Variants in GABRA5 observed in about 807,000 individuals in gnomAD.
The protein encoded by GABRA5 is gamma-aminobutyric acid receptor subunit alpha-5.
A neutral mutation model predicts 47.3 loss-of-function variants in GABRA5; 18 were observed. The ratio of observed to expected loss-of-function variants is 0.38; its 90% CI spans 0.26 to 0.56. The LOEUF is 0.56. Among genes scored for constraint, GABRA5 ranks in the 20% least tolerant of loss-of-function variants. The pLI is 0.71. For missense variants in GABRA5, 365 were observed against 599.3 expected (o/e 0.61, Z 4.08); for synonymous variants, 237 against 229.3 (o/e 1.03, Z -0.30).
Position 26,948,219 on chromosome 15 carries a change from G to C in GABRA5, c.1375G>C (p.Ala459Pro). The change falls in exon 11 of 11, where the codon GCC (alanine) becomes CCC (proline). Residue 459 changes from alanine to proline, a missense_variant. Ala to Pro is a conservative substitution (Grantham distance 27, BLOSUM62 -1). Coordinates refer to ENST00000335625, the MANE Select transcript of GABRA5 (RefSeq NM_000810.4). ...TAGGGAGCCGGTGATAAAAGGAGCC[G>C]CCTCTCCAAAATAACCGGCCACACT... ...LNREPVIKGA[A>P]SPK The C allele has an allele frequency of 6.2e-7, 1 of 1,611,368 alleles. No homozygotes were observed.
chr15:26,883,064 C>G lies in GABRA5; in HGVS notation c.209-102C>G. The G allele has an allele frequency of 1.1e-6, 1 of 921,004 alleles. No individual in the cohort carries two copies. Among genetic ancestry groups the G allele is most frequent in the Non-Finnish European group, 1.8e-6 (1 of 550,886 alleles). The allele number at this position is 921,004 out of a possible 1,614,324, so 57.1% of individuals were successfully genotyped here. On this transcript the variant is annotated intron_variant, in intron 4 of 10. Transcript: ENST00000335625. This position sits in a 1 kb window ranked among gnomAD's most constrained non-coding sequence, Gnocchi z 4.8. ...TTACCAAACGCACTGCAAAAGCCCC[C>G]GGTTGCAGAGGGTGACCCTGGTTAC...
rs763590639 is a variant in GABRA5, at chr15:26,947,528, G to A, written c.1090-406G>A. Among the ~76,000 whole-genome samples, 23 of 152,260 alleles carry A rather than the reference G, an allele frequency of 1.5e-4. 1 individual carries two copies. Among genetic ancestry groups the A allele is most frequent in the Middle Eastern group, 6.8e-3 (2 of 294 alleles). On this transcript the variant is annotated intron_variant, in intron 10 of 10. Transcript: ENST00000335625. Reference sequence around the variant, plus strand: ...CCATCCATGTTCCTGCAAAAGACAGGATCTCATTCTTTTTATCATTCTTTT... The same window carrying A: ...CCATCCATGTTCCTGCAAAAGACAGAATCTCATTCTTTTTATCATTCTTTT...
chr15:26,879,145 C>T (rs1393063114), intron 3 of GABRA5, among the ~76,000 whole-genome samples: 1 of 152,152 alleles, frequency 6.6e-6, no homozygotes, highest in Non-Finnish European at 1.5e-5. Flanking sequence ...CTACTAGTAC[C>T]TCAATTGGTA....
intron 8 of GABRA5, 81 bp downstream of exon 8, chr15:26,937,409 T>C: frequency 5.6e-6 from 8 of 1,433,628 alleles, no homozygotes; most frequent in Non-Finnish European, 7.4e-6. Context: ...CCAGCACCTC[T>C]CTGCAGGGGC....
Position 26,948,101 on chromosome 15 carries a change from C to T in GABRA5, c.1257C>T (p.Tyr419=). 6.2e-7 allele frequency: 1 copy of T among 1,612,756 alleles called. No individual in the cohort carries two copies. Among genetic ancestry groups the T allele is most frequent in the Non-Finnish European group, 8.5e-7 (1 of 1,179,340 alleles). The change falls in exon 11 of 11, where the codon TAC becomes TAT. Residue 419 remains tyrosine (Y), a synonymous_variant. Coordinates refer to ENST00000335625, the MANE Select transcript of GABRA5 (RefSeq NM_000810.4). ...AGACTTCTGAAAGCAAAAAGACTTA[C>T]AACAGTATCAGCAAAATTGACAAAA... is the stretch of plus-strand genomic sequence containing the variant. ...EEKTSESKKT[Y]NSISKIDKMS...
chr15:26,912,513 A>G (rs967228463), intron 6 of GABRA5, among the ~76,000 whole-genome samples: 1 of 152,224 alleles, frequency 6.6e-6, no homozygotes, highest in Non-Finnish European at 1.5e-5. Flanking sequence ...ATAGTCTCTA[A>G]TAACAGCCCT....
At chr15:26,917,447 T>C (rs1893743822) in intron 7 of GABRA5, among the ~76,000 whole-genome samples, 1 of 152,110 alleles carries the variant, frequency 6.6e-6, no homozygotes, top group South Asian at 2.1e-4. Flanking sequence ...AATCTCTTAA[T>C]GTGTTGCTGA....
intron 3 of GABRA5, among the ~76,000 whole-genome samples, chr15:26,876,888 G>A (rs1288378598): frequency 6.6e-6 from 1 of 152,224 alleles, no homozygotes; most frequent in African/African-American, 2.4e-5. Context: ...AGGACCCCCA[G>A]TGTGGCTGGG....
intron 7 of GABRA5, among the ~76,000 whole-genome samples, chr15:26,925,893 G>C (rs1893950168): frequency 6.6e-6 from 1 of 152,354 alleles, no homozygotes; most frequent in Non-Finnish European, 1.5e-5. Context: ...TCGCGCTGGA[G>C]TTGGGCTGGT....
intron 6 of GABRA5, among the ~76,000 whole-genome samples, chr15:26,891,887 A>G (rs1893015209): frequency 6.6e-6 from 1 of 152,196 alleles, no homozygotes; most frequent in Non-Finnish European, 1.5e-5. Flanking sequence ...TTCAGCTCGG[A>G]CGGTGGTCCC....
chr15:26,940,914 AG>A (rs1894368489), intron 9 of GABRA5, among the ~76,000 whole-genome samples: 1 of 152,246 alleles, frequency 6.6e-6, no homozygotes, highest in African/African-American at 2.4e-5. Flanking sequence ...TTTGCCAGTC[AG>A]TCGTGATCCT....
At chr15:26,935,012 C>A (rs994915077) in intron 7 of GABRA5, among the ~76,000 whole-genome samples, 32 of 113,914 alleles carry the variant, frequency 2.8e-4, no homozygotes, top group African/African-American at 8.3e-4. Context: ...TAAATCATGA[C>A]AAATGGCACT....
intron 10 of GABRA5, among the ~76,000 whole-genome samples, chr15:26,945,125 A>G (rs1203646519): frequency 6.6e-6 from 1 of 152,244 alleles, no homozygotes; most frequent in Non-Finnish European, 1.5e-5. Context: ...GCGTGCCTCA[A>G]GCTGGCTTGT....
chr15:26,895,920 A>G (rs1269016260), intron 6 of GABRA5, among the ~76,000 whole-genome samples: 2 of 151,836 alleles, frequency 1.3e-5, no homozygotes, highest in Non-Finnish European at 2.9e-5. Flanking sequence ...CCTGTTGGCC[A>G]TGCTGGGTAC....
intron 9 of GABRA5, among the ~76,000 whole-genome samples, chr15:26,942,023 G>A (rs944279486): frequency 6.6e-6 from 1 of 152,174 alleles, no homozygotes; most frequent in African/African-American, 2.4e-5. Context: ...CACCCCCATC[G>A]CCCACACAGG....
At chr15:26,934,275 A>G (rs1454973866) in intron 7 of GABRA5, among the ~76,000 whole-genome samples, 1 of 151,610 alleles carries the variant, frequency 6.6e-6, no homozygotes, top group Non-Finnish European at 1.5e-5. Context: ...AAAGAAAGAA[A>G]GAAAAAAAAG....
chr15:26,943,634 C>A (rs1894442354), intron 10 of GABRA5, among the ~76,000 whole-genome samples: 2 of 152,106 alleles, frequency 1.3e-5, no homozygotes, highest in South Asian at 4.1e-4. Context: ...AATGGCTTGG[C>A]CCTATTTATA....
chr15:26,908,015 G>GC (rs1240593890), intron 6 of GABRA5, among the ~76,000 whole-genome samples: 44 of 152,288 alleles, frequency 2.9e-4, no homozygotes, highest in African/African-American at 8.7e-4. Context: ...CAGGATTTGG[G>GC]CATCAGGCAG....
chr15:26,914,942 A>T, intron 7 of GABRA5, 57 bp downstream of exon 7: 1 of 1,368,732 alleles, frequency 7.3e-7, no homozygotes. Context: ...TCAATTCCAC[A>T]TTTATTCAGA....
Sources: allele counts gnomAD v4.1 joint callset (sites outside exome capture counted in the v4.1 genomes callset), GRCh38; gene constraint gnomAD v4.1.1; non-coding constraint Gnocchi (gnomAD v3.1); transcripts MANE v1.5; gene names NCBI Gene and HGNC (gene_info 2026-07-23, HGNC 2026-07-21).